The following CTNNA2 variants were observed in gnomAD, a reference collection of about 807,000 sequenced individuals.
CTNNA2 encodes catenin alpha-2.
Under a neutral mutation model 101.0 loss-of-function variants are expected in CTNNA2, and 42 were observed. The observed-to-expected ratio is 0.42, with a 90% CI of 0.32 to 0.54. The LOEUF is 0.54. Among genes scored for constraint, CTNNA2 ranks in the 20% least tolerant of loss-of-function variants. The pLI is 0.14. For missense variants in CTNNA2, 871 were observed against 1,223.1 expected, an observed-to-expected ratio of 0.71 and a Z score of 4.29; for synonymous variants, 450 against 456.4, an observed-to-expected ratio of 0.99 and a Z score of 0.18.
chr2:79,667,140 T>G (rs1180928123), intron 2 of CTNNA2, among the ~76,000 whole-genome samples: 1 of 152,204 alleles, frequency 6.6e-6, no homozygotes, highest in Non-Finnish European at 1.5e-5. Context: ...AAATTTAATA[T>G]CTGAAATTTC....
intron 2 of CTNNA2, among the ~76,000 whole-genome samples, chr2:79,293,473 G>A (rs886603864): frequency 6.6e-6 from 1 of 152,022 alleles, no homozygotes. Context: ...TTACAGTTTG[G>A]CTAAAAGGAA....
intron 3 of CTNNA2, among the ~76,000 whole-genome samples, chr2:79,768,066 A>G (rs1673291503): frequency 6.6e-6 from 1 of 151,718 alleles, no homozygotes; most frequent in Admixed American, 6.6e-5. Context: ...TGGGAACTCA[A>G]GTTCAGACCT....
intron 9 of CTNNA2, among the ~76,000 whole-genome samples, chr2:80,421,904 G>A (rs73941116): frequency 0.021 from 3,198 of 151,084 alleles, 91 homozygotes; most frequent in African/African-American, 0.061. Flanking sequence ...CTTAGTTTCT[G>A]TGTCTGTAAT....
intron 7 of CTNNA2, among the ~76,000 whole-genome samples, chr2:79,968,294 G>A (rs909771858): frequency 5.3e-5 from 8 of 152,086 alleles, no homozygotes; most frequent in African/African-American, 1.9e-4. Context: ...GTCATTTTCA[G>A]TCTCAGAACC....
At chr2:79,909,171 G>A (rs1410874237) in intron 6 of CTNNA2, among the ~76,000 whole-genome samples, 1 of 23,276 alleles carries the variant, frequency 4.3e-5, no homozygotes, top group African/African-American at 2.6e-4. Flanking sequence ...GGATTAACGT[G>A]TGTGTATACA....
At chr2:79,990,911 A>G (rs2103894412) in intron 7 of CTNNA2, among the ~76,000 whole-genome samples, 1 of 152,112 alleles carries the variant, frequency 6.6e-6, no homozygotes, top group South Asian at 2.1e-4. Context: ...CTGGTCCTGG[A>G]CTTTTTTTGG....
chr2:79,276,949 C>A (rs530815880), intron 2 of CTNNA2, among the ~76,000 whole-genome samples: 1 of 152,162 alleles, frequency 6.6e-6, no homozygotes, highest in Non-Finnish European at 1.5e-5. Context: ...GATGTGCACA[C>A]ACACACATGC....
chr2:80,153,486 G>A (rs555549865), intron 7 of CTNNA2, among the ~76,000 whole-genome samples: 18 of 152,316 alleles, frequency 1.2e-4, no homozygotes, highest in South Asian at 8.3e-4. Flanking sequence ...TATGCCAGGC[G>A]TTGGCCTCGT....
At chr2:79,806,536 C>A (rs1382945082) in intron 3 of CTNNA2, among the ~76,000 whole-genome samples, 1 of 152,048 alleles carries the variant, frequency 6.6e-6, no homozygotes, top group Admixed American at 6.6e-5. Context: ...CTGTACCTGT[C>A]CCCTCATTGT....
At chr2:80,158,201 G>C (rs988403838) in intron 7 of CTNNA2, among the ~76,000 whole-genome samples, 21 of 152,142 alleles carry the variant, frequency 1.4e-4, no homozygotes, top group African/African-American at 2.4e-5. Context: ...CAAGGTCTGT[G>C]TTCCTTCTTG....
Position 80,134,778 on chromosome 2 carries a change from C to T in CTNNA2, c.1056+224981C>T, listed in dbSNP as rs538980133. 3.9e-5 allele frequency among the ~76,000 whole-genome samples: 6 copies of T among 152,184 alleles called. No individual in the cohort carries two copies. The South Asian group carries it at 8.3e-4, about 21-fold the overall frequency. On this transcript the variant is annotated intron_variant, in intron 7 of 18. Coordinates refer to ENST00000402739, the MANE Select transcript of CTNNA2 (RefSeq NM_001282597.3). ...GAAATTGTTCCTTAGATTTCTTCCC[C>T]GAAAGAGTTTACAGACATTGTACAA...
At position 79,315,582 on chromosome 2, in the gene CTNNA2, T is replaced by G. The variant is rs115155549; in HGVS notation, c.-318+2786T>G. On this transcript the variant is annotated intron_variant, in intron 3 of 21. Coordinates refer to the CTNNA2 transcript ENST00000466387. Reference sequence around the variant, plus strand: ...GTTTTAAGATATATCCATATTTCATTCATTTTTATGGTGTAATAATATTCT... The same window carrying G: ...GTTTTAAGATATATCCATATTTCATGCATTTTTATGGTGTAATAATATTCT... Among the ~76,000 whole-genome samples, 1,229 of 152,290 alleles carry G rather than the reference T, an allele frequency of 8.1e-3. 18 individuals carry two copies. The highest frequency in any genetic ancestry group is 0.028 in the African/African-American group (1,147 of 41,580).
At chr2:80,144,675 C>T (rs968844712) in intron 7 of CTNNA2, among the ~76,000 whole-genome samples, 8 of 152,158 alleles carry the variant, frequency 5.3e-5, no homozygotes, top group African/African-American at 1.9e-4. Flanking sequence ...TCCTATTAAT[C>T]CAGTTGTATT....
chr2:79,544,486 C>T (rs995450710), intron 1 of CTNNA2, among the ~76,000 whole-genome samples: 1 of 152,092 alleles, frequency 6.6e-6, no homozygotes, highest in African/African-American at 2.4e-5. Context: ...TATACCAGTT[C>T]CTAGTCTAGG....
chr2:80,305,732 G>A (rs975976588), intron 7 of CTNNA2, among the ~76,000 whole-genome samples: 1 of 152,034 alleles, frequency 6.6e-6, no homozygotes. Context: ...GTGCCTACTG[G>A]TCTGTAGAGG....
intron 2 of CTNNA2, among the ~76,000 whole-genome samples, chr2:79,265,986 C>T (rs1674982038): frequency 6.6e-6 from 1 of 152,132 alleles, no homozygotes; most frequent in Admixed American, 6.6e-5. Flanking sequence ...TGATAGCCTG[C>T]AGGATTGTTT....
intron 3 of CTNNA2, among the ~76,000 whole-genome samples, chr2:79,340,899 T>G (rs1460053564): frequency 1.7e-5 from 2 of 120,018 alleles, no homozygotes; most frequent in African/African-American, 6.5e-5. Flanking sequence ...AGGGATCTAG[T>G]AAAAAAAAAA....
intron 7 of CTNNA2, among the ~76,000 whole-genome samples, chr2:80,181,689 C>A (rs572139749): frequency 6.6e-6 from 1 of 152,288 alleles, no homozygotes; most frequent in South Asian, 2.1e-4. Flanking sequence ...GTGAACTAGG[C>A]AACCAACTTC....
chr2:80,305,383 A>G (rs1198315434), intron 7 of CTNNA2: 2 of 984,756 alleles, frequency 2.0e-6, no homozygotes, highest in Non-Finnish European at 2.4e-6. Context: ...CAGGCTCCAC[A>G]GATACATATG....
Sources: allele counts gnomAD v4.1 joint callset (sites outside exome capture counted in the v4.1 genomes callset), GRCh38; gene constraint gnomAD v4.1.1; transcripts MANE v1.5; gene names NCBI Gene and HGNC (gene_info 2026-07-23, HGNC 2026-07-21).